The following KPNA4 variants were observed in gnomAD, a reference collection of about 807,000 sequenced individuals.
KPNA4 encodes the protein importin subunit alpha-3.
In KPNA4, 13 loss-of-function variants were observed where a neutral mutation model predicts 71.3. The ratio of observed to expected loss-of-function variants is 0.18; its 90% confidence interval spans 0.12 to 0.29. The LOEUF is 0.29. KPNA4 is among the 10% of genes least tolerant of loss of function. The pLI is 1.00. For missense variants in KPNA4, 334 were observed against 603.2 expected (o/e 0.55, Z 4.67); for synonymous variants, 189 against 195.2 (o/e 0.97, Z 0.26).
intron 1 of KPNA4, among the ~76,000 whole-genome samples, chr3:160,539,998 CTTT>C (rs376611861): frequency 7.7e-6 from 1 of 129,322 alleles, no homozygotes; most frequent in African/African-American, 2.9e-5. Flanking sequence ...TTTTTCTTTT[CTTT>C]TTTTTTTTTT....
At position 160,565,498 on chromosome 3, in the gene KPNA4, G is replaced by A; in HGVS notation, c.-216C>T. On this transcript the variant is annotated 5_prime_UTR_variant, in exon 1 of 17. Transcript: ENST00000334256. ...CCAGCGCGACTGCAGCTCCGGCAAA[G>A]ACAACTGTGGGGCCGGGCGGCGGCA... 1.9e-6 allele frequency: 1 copy of A among 539,266 alleles called. No individual in the cohort carries two copies. The highest frequency in any genetic ancestry group is 3.3e-6 in the Non-Finnish European group (1 of 306,602). 33.4% of individuals were successfully genotyped at this position (539,266 alleles called of 1,614,324 possible).
intron 4 of KPNA4, 21 bp from the exon 5 acceptor site, chr3:160,535,586 T>A (rs1312337965): frequency 6.3e-7 from 1 of 1,586,478 alleles, no homozygotes; most frequent in African/African-American, 1.4e-5. Context: ...TAAAATAATT[T>A]ATGATGTAAA....
At position 160,510,256 on chromosome 3, in the gene KPNA4, T is replaced by C. The variant is rs147618738; in HGVS notation, c.1138-385A>G. Among the ~76,000 whole-genome samples the C allele has an allele frequency of 2.2e-3, 332 of 152,282 alleles. 3 individuals carry two copies. The East Asian group carries it at 0.029, about 13-fold the overall frequency. On this transcript the variant is annotated intron_variant, in intron 13 of 16. Transcript: ENST00000334256. The stretch of plus-strand genomic sequence containing the variant: ...TTACACACAAAAATGATACCCACCA[T>C]TAATGAAACTATGATAAAGATGTTA...
In KPNA4 at chr3:160,559,817, T is replaced by A. The variant is rs575076741; in HGVS notation, c.69+5397A>T. Among the ~76,000 whole-genome samples the A allele has an allele frequency of 3.3e-5, 5 of 152,258 alleles. No individual in the cohort carries two copies. In the South Asian group the frequency reaches 1.0e-3, roughly 31 times the overall value. On this transcript the variant is annotated intron_variant, in intron 1 of 16. Transcript: ENST00000334256. Reference sequence around the variant, plus strand: ...AGAAACAGATGAGAATTCAGCTGTCTTAAGCCAAACATTAAGACCCGAAAA... The same window carrying A: ...AGAAACAGATGAGAATTCAGCTGTCATAAGCCAAACATTAAGACCCGAAAA...
intron 5 of KPNA4, among the ~76,000 whole-genome samples, chr3:160,533,702 T>C (rs1278992171): frequency 1.3e-5 from 2 of 152,220 alleles, no homozygotes; most frequent in Non-Finnish European, 2.9e-5. Context: ...ACAGTTGCTT[T>C]GCAATACCAG....
At chr3:160,558,478 A>T (rs1386165170) in intron 1 of KPNA4, among the ~76,000 whole-genome samples, 1 of 152,234 alleles carries the variant, frequency 6.6e-6, no homozygotes, top group African/African-American at 2.4e-5. Flanking sequence ...AAAGGCTTAG[A>T]CATAATTAAG....
At chr3:160,556,296 C>T (rs1722135942) in intron 1 of KPNA4, among the ~76,000 whole-genome samples, 1 of 152,204 alleles carries the variant, frequency 6.6e-6, no homozygotes, top group African/African-American at 2.4e-5. Flanking sequence ...AACTGCCAAA[C>T]TGCATTCCAA....
In KPNA4 at chr3:160,509,300, C is replaced by T. The variant is rs1390882877; in HGVS notation, c.1209+500G>A. 5.9e-5 allele frequency among the ~76,000 whole-genome samples: 9 copies of T among 152,196 alleles called. No individual in the cohort carries two copies. The South Asian group carries it at 1.9e-3, about 32-fold the overall frequency. ...CTGATGAATTTGTTATTGTTGCTGT[C>T]TTTTTACTTTTTGTTGTTGTTGTTC... is the stretch of plus-strand genomic sequence containing the variant. On this transcript the variant is annotated intron_variant, in intron 14 of 16. Coordinates refer to ENST00000334256, the MANE Select transcript of KPNA4 (RefSeq NM_002268.5).
intron 1 of KPNA4, among the ~76,000 whole-genome samples, chr3:160,559,782 G>T (rs1481987890): frequency 1.3e-5 from 2 of 152,088 alleles, no homozygotes; most frequent in Non-Finnish European, 2.9e-5. Context: ...TATCACAAAA[G>T]ACTGAATGCA....
intron 11 of KPNA4, among the ~76,000 whole-genome samples, chr3:160,518,393 C>T (rs1240045630): frequency 1.3e-5 from 2 of 151,012 alleles, no homozygotes; most frequent in South Asian, 2.1e-4. Flanking sequence ...CCTCGGCCTC[C>T]CAAAGTGCTG....
chr3:160,561,625 A>G (rs1050348810), intron 1 of KPNA4, among the ~76,000 whole-genome samples: 1 of 152,080 alleles, frequency 6.6e-6, no homozygotes, highest in Non-Finnish European at 1.5e-5. Flanking sequence ...AAATCTATGA[A>G]TAACTTTCAA....
At chr3:160,525,690 T>C (rs554190008) in intron 10 of KPNA4, 110 bp downstream of exon 10, 3 of 500,064 alleles carry the variant, frequency 6.0e-6, no homozygotes, top group East Asian at 3.6e-5. Context: ...GAAAATCTGA[T>C]AGTATGCTGA....
chr3:160,530,734 A>G, intron 7 of KPNA4, 121 bp downstream of exon 7: 3 of 636,328 alleles, frequency 4.7e-6, no homozygotes, highest in South Asian at 2.1e-5. Context: ...ACCTATTTCA[A>G]TAACTACGTA....
chr3:160,561,247 T>C (rs911864150), intron 1 of KPNA4, among the ~76,000 whole-genome samples: 3 of 152,100 alleles, frequency 2.0e-5, no homozygotes, highest in African/African-American at 2.4e-5. Context: ...ATAAAAAGTA[T>C]GCAGGTTTAT....
intron 1 of KPNA4, among the ~76,000 whole-genome samples, chr3:160,558,486 A>C (rs1722181875): frequency 6.6e-6 from 1 of 152,244 alleles, no homozygotes. Flanking sequence ...AGACATAATT[A>C]AGTTAGCCTC....
intron 1 of KPNA4, among the ~76,000 whole-genome samples, chr3:160,561,653 T>G (rs1290591711): frequency 6.6e-6 from 1 of 152,034 alleles, no homozygotes; most frequent in Non-Finnish European, 1.5e-5. Context: ...ACTCAGAAAT[T>G]ACAACTTTAA....
intron 12 of KPNA4, chr3:160,514,877 TTAG>T (rs1223810203): frequency 2.2e-6 from 1 of 459,092 alleles, no homozygotes; most frequent in Non-Finnish European, 4.3e-6. Flanking sequence ...CTAAAAAATA[TTAG>T]TATTAGCTAA....
chr3:160,515,380 ACT>A (rs1237032895), intron 12 of KPNA4, 70 bp downstream of exon 12: 3 of 1,303,716 alleles, frequency 2.3e-6, no homozygotes, highest in Admixed American at 2.3e-5. Context: ...CATTTCTAAG[ACT>A]CTAATTTTAC....
At chr3:160,536,142 CAAACA>C (rs954513609) in intron 2 of KPNA4, among the ~76,000 whole-genome samples, 35 of 152,032 alleles carry the variant, frequency 2.3e-4, no homozygotes, top group African/African-American at 7.9e-4. Context: ...TATGTAAAAA[CAAACA>C]AAACAAAACA....
Sources: gnomAD v4.1 joint callset for allele counts (sites outside exome capture counted in the v4.1 genomes callset) on GRCh38, gnomAD v4.1.1 for gene constraint, MANE v1.5 for transcripts, NCBI Gene and HGNC (gene_info 2026-07-23, HGNC 2026-07-21) for gene names.